MGAM: variants seen among roughly 807,000 people sequenced by gnomAD.
MGAM encodes the protein maltase-glucoamylase.
MGAM carries 253 observed loss-of-function variants against 358.8 expected under a neutral mutation model. The ratio of observed to expected loss-of-function variants is 0.71; its 90% CI spans 0.64 to 0.78. The LOEUF (loss-of-function observed/expected upper bound fraction) is 0.78, where lower values mean the gene tolerates loss of function less well. MGAM is among the 30% of genes least tolerant of loss of function. The pLI, the probability that MGAM is intolerant of heterozygous loss-of-function variation, is 0.00. For missense variants in MGAM, 3,080 were observed against 3,432.6 expected, an observed-to-expected ratio of 0.90 and a Z score of 2.57; for synonymous variants, 1,105 against 1,227.1, an observed-to-expected ratio of 0.90 and a Z score of 2.08.
intron 30 of MGAM, among the ~76,000 whole-genome samples, chr7:142,057,526 T>C (rs1040086325): frequency 3.1e-5 from 2 of 63,576 alleles, no homozygotes; most frequent in Non-Finnish European, 5.9e-5. Flanking sequence ...ATGGTGGGGA[T>C]GGTGGTTGGG....
chr7:142,092,314 AT>A (rs372655904), intron 58 of MGAM, among the ~76,000 whole-genome samples: 6 of 144,300 alleles, frequency 4.2e-5, no homozygotes, highest in East Asian at 2.0e-4. Flanking sequence ...CTTGAGAGAG[AT>A]TTTTTTTTAA....
Position 142,067,667 on chromosome 7 carries a change from G to A in MGAM, c.5004+242G>A, listed in dbSNP as rs116849756. Among the ~76,000 whole-genome samples the A allele has an allele frequency of 0.011, 1,568 of 142,226 alleles. 200 individuals carry two copies. The East Asian group carries it at 0.12, about 11-fold the overall frequency. 93.3% of individuals were successfully genotyped at this position (142,226 alleles called of 152,430 possible). ...GATGATCAAGAAGAAAACACCTCAT[G>A]GAATAGTCAATGACACAATCATTTC... On this transcript the variant is annotated intron_variant, in intron 42 of 70. Coordinates refer to ENST00000475668, the MANE Select transcript of MGAM (RefSeq NM_001365693.1).
intron 1 of MGAM, among the ~76,000 whole-genome samples, chr7:141,997,337 TTGTGCTGGTAGGTCCC>T (rs1804330648): frequency 6.6e-6 from 1 of 152,088 alleles, no homozygotes; most frequent in African/African-American, 2.4e-5. Context: ...CTTTGGTTTG[TTGTGCTGGTAGGTCCC>T]TGTGCTACCA....
At chr7:142,030,835 TGTG>T in intron 12 of MGAM, 78 bp downstream of exon 12, 1 of 853,396 alleles carries the variant, frequency 1.2e-6, no homozygotes, top group Non-Finnish European at 2.0e-6. Flanking sequence ...TGTGTGTGTG[TGTG>T]TGCATGTAAT....
intron 7 of MGAM, 61 bp from the exon 8 acceptor site, chr7:142,024,989 C>T: frequency 8.1e-7 from 1 of 1,227,132 alleles, no homozygotes; most frequent in South Asian, 1.2e-5. Context: ...TAAACCAACC[C>T]CACAGTGTGA....
chr7:142,031,764 A>G lies in MGAM; in HGVS notation c.1555A>G (p.Asn519Asp). 1 of 1,610,972 alleles carries G rather than the reference A, an allele frequency of 6.2e-7. No homozygotes were observed. Among genetic ancestry groups the G allele is most frequent in the South Asian group, 1.1e-5 (1 of 91,016 alleles). Residue 519 changes from asparagine (N) to aspartate (D), a missense_variant, in exon 13 of 71, where the codon AAT (asparagine) becomes GAT (aspartate). Physicochemically the swap from Asn to Asp is conservative, Grantham distance 23. Transcript: ENST00000475668. ...WWTKEFELFH[N>D]QVEFDGIWID... ...GACAAAGGAATTTGAGCTTTTTCAC[A>G]ATCAAGTAGAGTTTGATGGAATCTG...
intron 45 of MGAM, among the ~76,000 whole-genome samples, chr7:142,075,651 A>G: frequency 6.8e-6 from 1 of 146,444 alleles, no homozygotes; most frequent in Non-Finnish European, 1.5e-5. Context: ...TTTCCAAGGA[A>G]GACATACAAG....
intron 26 of MGAM, among the ~76,000 whole-genome samples, chr7:142,053,356 T>G (rs1193887908): frequency 2.0e-5 from 3 of 152,014 alleles, no homozygotes; most frequent in Non-Finnish European, 2.9e-5. Context: ...AGTGCTCAAT[T>G]GCAAGCAGGT....
At chr7:142,027,023 C>T in intron 8 of MGAM, 92 bp from the exon 9 acceptor site, 1 of 972,194 alleles carries the variant, frequency 1.0e-6, no homozygotes, top group South Asian at 1.4e-5. Context: ...TTAATGTTCA[C>T]ATGGTTAGTG....
At chr7:142,030,812 A>C in intron 12 of MGAM, 55 bp downstream of exon 12, 1 of 1,063,338 alleles carries the variant, frequency 9.4e-7, no homozygotes, top group Non-Finnish European at 1.4e-6. Flanking sequence ...GGGTGTTTGA[A>C]TGTGTCTGTG....
intron 37 of MGAM, among the ~76,000 whole-genome samples, chr7:142,064,872 C>A (rs149677015): frequency 6.6e-6 from 1 of 151,828 alleles, no homozygotes; most frequent in Admixed American, 6.6e-5. Flanking sequence ...GCATCTCTCC[C>A]GTTCATTTCA....
chr7:142,026,294 G>A (rs1806963470), intron 8 of MGAM, among the ~76,000 whole-genome samples: 1 of 152,018 alleles, frequency 6.6e-6, no homozygotes, highest in African/African-American at 2.4e-5. Context: ...AATAATGACG[G>A]GGTATGTGGT....
At position 142,017,156 on chromosome 7, in the gene MGAM, G is replaced by T. The variant is rs141231622; in HGVS notation, c.328-2043G>T. 2.6e-3 allele frequency among the ~76,000 whole-genome samples: 399 copies of T among 151,780 alleles called. 3 individuals are homozygous for T. The highest frequency in any genetic ancestry group is 9.0e-3 in the African/African-American group (371 of 41,340). ...ACATGTCTTTTTTCTTAATTTTTTG[G>T]ATCGAGGATTTCCACACTCCCCACA... On this transcript the variant is annotated intron_variant, in intron 3 of 70. Transcript: ENST00000475668.
chr7:142,088,652 GTCTGTCTATCTA>G lies in MGAM; in HGVS notation c.6810+1939_6810+1950del, dbSNP rs1354103098. 8.7e-5 allele frequency among the ~76,000 whole-genome samples: 10 copies of G among 114,774 alleles called. 1 individual carries two copies. The highest frequency in any genetic ancestry group is 1.8e-4 in the African/African-American group (6 of 33,362). 75.3% of individuals were successfully genotyped at this position (114,774 alleles called of 152,430 possible). A position where few individuals can be genotyped will look rare whatever the true frequency, so the allele number is the denominator to read the frequency against. On this transcript the variant is annotated intron_variant, in intron 57 of 70. Transcript: ENST00000475668. ...TCAGGTTATATCTATCTTTCTATCT[GTCTGTCTATCTA>G]TCTATCTATCTATCTATCTATCTAT... is the stretch of plus-strand genomic sequence containing the variant.
chr7:142,075,332 C>T (rs1478093750), intron 45 of MGAM, among the ~76,000 whole-genome samples: 1 of 146,022 alleles, frequency 6.8e-6, no homozygotes, highest in African/African-American at 2.4e-5. Flanking sequence ...AATTGTAAAG[C>T]TCCTAGAAGA....
At position 142,069,166 on chromosome 7, in the gene MGAM, G is replaced by A. The variant is rs62477629; in HGVS notation, c.5061+463G>A. Among the ~76,000 whole-genome samples the A allele has an allele frequency of 4.3e-3, 632 of 146,244 alleles. 99 individuals are homozygous for A. Among genetic ancestry groups the A allele is most frequent in the Non-Finnish European group, 6.8e-3 (440 of 64,524 alleles). ...ATAGCATAGATGCTCAAAGAGGGGC[G>A]CTGCACATAATTACATAAGGCACAC... On this transcript the variant is annotated intron_variant, in intron 43 of 70. Transcript: ENST00000475668.
chr7:142,046,581 C>A lies in MGAM; in HGVS notation c.2499-1204C>A, dbSNP rs569947939. ...TTAACCTTGCTATGGGAATTTGCCA[C>A]ACGGAGATTCTAGGTTTTGCTTACT... On this transcript the variant is annotated intron_variant, in intron 21 of 70. Transcript: ENST00000475668. Among the ~76,000 whole-genome samples, 4 of 152,078 alleles carry A rather than the reference C, an allele frequency of 2.6e-5. No individual in the cohort carries two copies. The East Asian group carries it at 7.7e-4, about 29-fold the overall frequency.
chr7:142,016,334 A>G (rs6464456), intron 3 of MGAM, among the ~76,000 whole-genome samples: 87,988 of 152,042 alleles, frequency 0.58, 26,310 homozygotes, highest in East Asian at 0.78. Flanking sequence ...AAAAAGTAAC[A>G]TATCTTTCCA....
Position 142,030,457 on chromosome 7 carries a change from G to C in MGAM, c.1317G>C (p.Glu439Asp), listed in dbSNP as rs1554462916. The C allele has an allele frequency of 5.0e-6, 8 of 1,613,638 alleles. No individual in the cohort carries two copies. Among genetic ancestry groups the C allele is most frequent in the Non-Finnish European group, 6.8e-6 (8 of 1,179,732 alleles). The change falls in exon 11 of 71, where the codon GAG (glutamate) becomes GAC (aspartate). Residue 439 changes from glutamate to aspartate, a missense_variant. Glu to Asp is a conservative substitution (Grantham distance 45). Around this residue, in one of 5 missense-constraint regions of MGAM, gnomAD observed 1,816 missense variants for 1,840.5 expected, o/e 0.99. Coordinates refer to ENST00000475668, the MANE Select transcript of MGAM (RefSeq NM_001365693.1). ...DFKGFPEFVN[E>D]LHNNGQKLVI... Reference sequence around the variant, plus strand: ...AAGGCTTCCCTGAATTTGTCAACGAGTTACACAATAATGGACAGAAGCTTG... The same window carrying C: ...AAGGCTTCCCTGAATTTGTCAACGACTTACACAATAATGGACAGAAGCTTG...
Sources: gnomAD v4.1 joint callset for allele counts (sites outside exome capture counted in the v4.1 genomes callset) on GRCh38, gnomAD v4.1.1 for gene constraint, gnomAD v4.1.1 regional missense constraint, MANE v1.5 for transcripts, NCBI Gene and HGNC (gene_info 2026-07-23, HGNC 2026-07-21) for gene names.